Variants in BRIP1 observed in about 807,000 individuals in gnomAD.
BRIP1 encodes the protein Fanconi anemia group J protein.
In BRIP1, 88 loss-of-function variants were observed where a neutral mutation model predicts 119.7. That is an observed-to-expected ratio of 0.74 (90% CI 0.62 to 0.88). The LOEUF is 0.88. BRIP1 is among the 40% of genes least tolerant of loss of function. The pLI, the probability that BRIP1 is intolerant of heterozygous loss-of-function variation, is 0.00. For synonymous variants in BRIP1, 443 were observed against 496.5 expected, an observed-to-expected ratio of 0.89 and a Z score of 1.43; for missense variants, 1,259 against 1,455.4, an observed-to-expected ratio of 0.87 and a Z score of 2.20.
rs548179667 is a variant in BRIP1, at chr17:61,844,143, G to A, written c.627+2958C>T. 8.6e-5 allele frequency among the ~76,000 whole-genome samples: 13 copies of A among 151,920 alleles called. No individual in the cohort carries two copies. The East Asian group carries it at 2.3e-3, about 27-fold the overall frequency. On this transcript the variant is annotated intron_variant, in intron 6 of 19. Coordinates refer to ENST00000259008, the MANE Select transcript of BRIP1 (RefSeq NM_032043.3). The surrounding 1 kb of genome is among the most constrained non-coding windows in gnomAD (Gnocchi z 4.7). The stretch of plus-strand genomic sequence containing the variant: ...AGGGTCTCGTTATGTTGCCCAGGTT[G>A]GTCTTGAACTCCTGACCTCAAGCAA...
chr17:61,834,984 T>C lies in BRIP1; in HGVS notation c.627+12117A>G, dbSNP rs1418539810. 6.6e-6 allele frequency among the ~76,000 whole-genome samples: 1 copy of C among 152,222 alleles called. No homozygotes were observed. The highest frequency in any genetic ancestry group is 6.5e-5 in the Admixed American group (1 of 15,286). On this transcript the variant is annotated intron_variant, in intron 6 of 19. Transcript: ENST00000259008. The surrounding 1 kb of genome is among the most constrained non-coding windows in gnomAD (Gnocchi z 4.4). ...ACAGCAACAGATAACATTGCATGTG[T>C]GTGTGCACGCACATGTGCGCACTTA...
intron 16 of BRIP1, among the ~76,000 whole-genome samples, chr17:61,719,540 C>T (rs752333109): frequency 1.1e-4 from 17 of 151,740 alleles, no homozygotes; most frequent in Non-Finnish European, 1.6e-4. Context: ...CTGGCTAACA[C>T]GGTGAAATCC....
chr17:61,838,933 T>A (rs950955044), intron 6 of BRIP1, among the ~76,000 whole-genome samples: 1 of 152,100 alleles, frequency 6.6e-6, no homozygotes, highest in South Asian at 2.1e-4. Context: ...TTAATACACA[T>A]GAAACTATTT....
rs1375777793 is a variant in BRIP1 at position 61,757,513 on chromosome 17, A to G, written c.2098-12922T>C. Reference sequence around the variant, plus strand: ...TCATAAATTAGTTAAAATACTGAGGACTCTGAAAATGTCAGAGCTGCACTA... The same window carrying G: ...TCATAAATTAGTTAAAATACTGAGGGCTCTGAAAATGTCAGAGCTGCACTA... On this transcript the variant is annotated intron_variant, in intron 14 of 19. Transcript: ENST00000259008. This position sits in a 1 kb window ranked among gnomAD's most constrained non-coding sequence, Gnocchi z 4.3. Among the ~76,000 whole-genome samples, 1 of 152,154 alleles carries G rather than the reference A, an allele frequency of 6.6e-6. No homozygotes were observed. The highest frequency in any genetic ancestry group is 1.5e-5 in the Non-Finnish European group (1 of 68,030).
rs1274011811 is a variant in BRIP1, at chr17:61,770,236, T to C, written c.2097+6165A>G. Reference sequence around the variant, plus strand: ...ATGCTAAAAGACTGAGACATAATCATAGGATTAGAAGATGCTTCCTGTTCC... The same window carrying C: ...ATGCTAAAAGACTGAGACATAATCACAGGATTAGAAGATGCTTCCTGTTCC... On this transcript the variant is annotated intron_variant, in intron 14 of 19. Coordinates refer to ENST00000259008, the MANE Select transcript of BRIP1 (RefSeq NM_032043.3). The surrounding 1 kb of genome is among the most constrained non-coding windows in gnomAD (Gnocchi z 4.7). Among the ~76,000 whole-genome samples, 4 of 152,174 alleles carry C rather than the reference T, an allele frequency of 2.6e-5. No homozygotes were observed. Among genetic ancestry groups the C allele is most frequent in the Non-Finnish European group, 5.9e-5 (4 of 68,034 alleles).
At chr17:61,790,890 G>A (rs1274599458) in intron 10 of BRIP1, among the ~76,000 whole-genome samples, 2 of 152,060 alleles carry the variant, frequency 1.3e-5, no homozygotes, top group African/African-American at 2.4e-5. Context: ...GCCTGTCAAA[G>A]TGTAGGATTA....
At position 61,828,417 on chromosome 17, in the gene BRIP1, G is replaced by A. The variant is rs1241111980; in HGVS notation, c.627+18684C>T. Among the ~76,000 whole-genome samples the A allele has an allele frequency of 6.6e-6, 1 of 152,108 alleles. No individual in the cohort carries two copies. The highest frequency in any genetic ancestry group is 1.5e-5 in the Non-Finnish European group (1 of 68,036). On this transcript the variant is annotated intron_variant, in intron 6 of 19. Transcript: ENST00000259008. The surrounding 1 kb of genome is among the most constrained non-coding windows in gnomAD (Gnocchi z 4.1). ...TGGGGCTGGACAATAGGGAAATACA[G>A]AGATATTGTTTCATGGGTATGGTGT...
intron 16 of BRIP1, among the ~76,000 whole-genome samples, chr17:61,731,981 CT>C (rs71299809): frequency 3.9e-3 from 326 of 83,030 alleles, no homozygotes; most frequent in African/African-American, 0.012. Flanking sequence ...TTCTTTCTTT[CT>C]TTTTTTTTTT....
intron 16 of BRIP1, among the ~76,000 whole-genome samples, chr17:61,728,414 A>G (rs1456712858): frequency 1.3e-5 from 2 of 152,164 alleles, no homozygotes; most frequent in African/African-American, 4.8e-5. Context: ...ACAGTCTCCA[A>G]CTTCAGTAAA....
At position 61,759,901 on chromosome 17, in the gene BRIP1, C is replaced by A. The variant is rs544037006; in HGVS notation, c.2098-15310G>T. 1.9e-4 allele frequency among the ~76,000 whole-genome samples: 27 copies of A among 145,116 alleles called. No individual in the cohort carries two copies. In the South Asian group the frequency reaches 3.1e-3, roughly 16 times the overall value. ...CCTTTAATTTATGAAAAAAAAAAAA[C>A]CCAGAATATTTGCAAAGTGCGATAA... On this transcript the variant is annotated intron_variant, in intron 14 of 19. Transcript: ENST00000259008. The surrounding 1 kb of genome is among the most constrained non-coding windows in gnomAD (Gnocchi z 4.9).
At position 61,708,960 on chromosome 17, in the gene BRIP1, A is replaced by T. The variant is rs1298219405; in HGVS notation, c.2492+6991T>A. Reference sequence around the variant, plus strand: ...ATGTAAAATCCCCGTATATAATATTAACCTCCATCTTTAATACGTCCTCAG... The same window carrying T: ...ATGTAAAATCCCCGTATATAATATTTACCTCCATCTTTAATACGTCCTCAG... On this transcript the variant is annotated intron_variant, in intron 17 of 19. Transcript: ENST00000259008. The surrounding 1 kb of genome is among the most constrained non-coding windows in gnomAD (Gnocchi z 4.4). Among the ~76,000 whole-genome samples, 1 of 152,202 alleles carries T rather than the reference A, an allele frequency of 6.6e-6. No homozygotes were observed. Among genetic ancestry groups the T allele is most frequent in the East Asian group, 1.9e-4 (1 of 5,200 alleles).
At position 61,701,017 on chromosome 17, in the gene BRIP1, CTT is replaced by C. The variant is rs2061606047; in HGVS notation, c.2493-7507_2493-7506del. ...GGTTTTTGTTAAGCAAATTTTATCT[CTT>C]TATTGATATTCCCTATTTAGTGAGG... On this transcript the variant is annotated intron_variant, in intron 17 of 19. Coordinates refer to ENST00000259008, the MANE Select transcript of BRIP1 (RefSeq NM_032043.3). The surrounding 1 kb of genome is among the most constrained non-coding windows in gnomAD (Gnocchi z 5.1). Among the ~76,000 whole-genome samples, 2 of 152,248 alleles carry C rather than the reference CTT, an allele frequency of 1.3e-5. No individual in the cohort carries two copies. The highest frequency in any genetic ancestry group is 2.9e-5 in the Non-Finnish European group (2 of 68,016).
chr17:61,839,986 C>T (rs947507100), intron 6 of BRIP1, among the ~76,000 whole-genome samples: 1 of 152,014 alleles, frequency 6.6e-6, no homozygotes, highest in Non-Finnish European at 1.5e-5. Flanking sequence ...GGTACTCAAC[C>T]AAGGGCACAG....
chr17:61,812,198 C>A (rs1180280235), intron 6 of BRIP1, among the ~76,000 whole-genome samples: 1 of 152,134 alleles, frequency 6.6e-6, no homozygotes, highest in Admixed American at 6.5e-5. Context: ...CTCTGAAACC[C>A]TTTGACCCAG....
At position 61,814,697 on chromosome 17, in the gene BRIP1, A is replaced by G. The variant is rs2078210959; in HGVS notation, c.628-5940T>C. ...AAATCAAAGATACATATACCCTTTG[A>G]CCCAGCATGACACTGTTAGGTATAC... On this transcript the variant is annotated intron_variant, in intron 6 of 19. Transcript: ENST00000259008. The surrounding 1 kb of genome is among the most constrained non-coding windows in gnomAD (Gnocchi z 4.9). 1.3e-5 allele frequency among the ~76,000 whole-genome samples: 2 copies of G among 151,978 alleles called. No homozygotes were observed. Among genetic ancestry groups the G allele is most frequent in the African/African-American group, 4.8e-5 (2 of 41,412 alleles).
intron 16 of BRIP1, among the ~76,000 whole-genome samples, chr17:61,728,869 T>G (rs1366917943): frequency 1.3e-5 from 2 of 152,170 alleles, no homozygotes; most frequent in African/African-American, 4.8e-5. Context: ...CTGACAGGTC[T>G]GATAGAAAAA....
chr17:61,837,212 A>G (rs982192776), intron 6 of BRIP1, among the ~76,000 whole-genome samples: 9 of 152,192 alleles, frequency 5.9e-5, no homozygotes, highest in South Asian at 4.1e-4. Flanking sequence ...CTGGCACATA[A>G]CACAGTAAGC....
Position 61,861,452 on chromosome 17 carries a change from T to C in BRIP1, c.88A>G (p.Asn30Asp), listed in dbSNP as rs747867580. ...AACTGCTGAAAAATACTTACAGAAT[T>C]CATCATAGCAAGCTGTGACGGGTAA... ...KAYPSQLAMM[N>D]SILRGLNSKQ... The change falls in exon 2 of 20, where the codon AAT (asparagine) becomes GAT (aspartate). Residue 30 changes from asparagine to aspartate, a missense_variant. By Grantham distance (23) the Asn-to-Asp change is conservative. Coordinates refer to ENST00000259008, the MANE Select transcript of BRIP1 (RefSeq NM_032043.3). This position sits in a 1 kb window ranked among gnomAD's most constrained non-coding sequence, Gnocchi z 4.5. 1 of 1,606,078 alleles carries C rather than the reference T, an allele frequency of 6.2e-7. No homozygotes were observed. The highest frequency in any genetic ancestry group is 8.5e-7 in the Non-Finnish European group (1 of 1,172,834).
At chr17:61,721,126 G>A (rs2061965926) in intron 16 of BRIP1, among the ~76,000 whole-genome samples, 1 of 152,116 alleles carries the variant, frequency 6.6e-6, no homozygotes, top group Non-Finnish European at 1.5e-5. Flanking sequence ...ACAGGCGTGA[G>A]CCACTGTGCC....
Sources: gnomAD v4.1 joint callset for allele counts (sites outside exome capture counted in the v4.1 genomes callset) on GRCh38, gnomAD v4.1.1 for gene constraint, Gnocchi (gnomAD v3.1) non-coding constraint, MANE v1.5 for transcripts, NCBI Gene and HGNC (gene_info 2026-07-23, HGNC 2026-07-21) for gene names.